The following KIR2DL4 variants were observed in gnomAD, a reference collection of about 807,000 sequenced individuals.
The protein encoded by KIR2DL4 is killer cell immunoglobulin-like receptor 2DL4.
A neutral mutation model predicts 31.0 loss-of-function variants in KIR2DL4; 41 were observed. The ratio of observed to expected loss-of-function variants is 1.32; its 90% CI spans 1.03 to 1.72. The LOEUF (loss-of-function observed/expected upper bound fraction) is 1.72. Among genes scored for constraint, KIR2DL4 ranks in the 40% most tolerant of loss-of-function variants. KIR2DL4 has a pLI of 0.00. For synonymous variants in KIR2DL4, 164 were observed against 133.6 expected (o/e 1.23, Z -1.57); for missense variants, 438 against 353.7 (o/e 1.24, Z -1.91).
intron 3 of KIR2DL4, 143 bp from the exon 4 acceptor site, chr19:54,805,808 G>A (rs796612632): frequency 3.0e-5 from 24 of 808,890 alleles, no homozygotes; most frequent in Admixed American, 1.2e-4. Flanking sequence ...GGGAGGGATC[G>A]ACAGGAAGAG....
intron 3 of KIR2DL4, among the ~76,000 whole-genome samples, chr19:54,805,575 T>C (rs1894090872): frequency 6.6e-6 from 1 of 151,368 alleles, no homozygotes; most frequent in African/African-American, 2.4e-5. Flanking sequence ...GATGCCTTGA[T>C]TGTAGCCCAG....
chr19:54,810,149 C>A (rs1402983736), intron 5 of KIR2DL4, among the ~76,000 whole-genome samples: 2 of 149,586 alleles, frequency 1.3e-5, no homozygotes, highest in Non-Finnish European at 3.0e-5. Flanking sequence ...GACAGTGTCT[C>A]CCTCTGTGCC....
chr19:54,805,833 TGAGAGAGA>T, intron 3 of KIR2DL4, 110 bp from the exon 4 acceptor site: 1 of 831,068 alleles, frequency 1.2e-6, no homozygotes, highest in African/African-American at 1.8e-5. Flanking sequence ...GGGTGGAGGG[TGAGAGAGA>T]GAGAGAGAGC....
exon 8 of KIR2DL4, chr19:54,814,432 T>G (rs1230587113): frequency 2.7e-6 from 1 of 373,786 alleles, no homozygotes; most frequent in African/African-American, 2.1e-5. Flanking sequence ...AGACTATTTT[T>G]CAGCCTTCTG....
chr19:54,803,673 A>C, exon 1 of KIR2DL4: 3 of 1,612,232 alleles, frequency 1.9e-6, no homozygotes, highest in Middle Eastern at 1.7e-4. Flanking sequence ...ACCCACGGTC[A>C]TCATCCTGGC....
intron 2 of KIR2DL4, 21 bp downstream of exon 2, chr19:54,803,947 T>A: frequency 6.2e-7 from 1 of 1,605,394 alleles, no homozygotes; most frequent in East Asian, 2.2e-5. Flanking sequence ...CCCCAAATGA[T>A]GGGTTGCCAT....
intron 5 of KIR2DL4, among the ~76,000 whole-genome samples, chr19:54,812,599 A>G (rs1219302608): frequency 6.7e-6 from 1 of 150,078 alleles, no homozygotes; most frequent in African/African-American, 2.5e-5. Context: ...GAAGCAGGAC[A>G]CTACCATCTA....
intron 7 of KIR2DL4, 42 bp downstream of exon 6, chr19:54,813,784 C>T (rs753241102): frequency 8.7e-6 from 14 of 1,611,338 alleles, no homozygotes; most frequent in South Asian, 1.1e-5. Context: ...AGTCTTATTC[C>T]GAAATAGTCC....
intron 2 of KIR2DL4, among the ~76,000 whole-genome samples, chr19:54,804,322 C>G (rs974266555): frequency 6.6e-6 from 1 of 151,102 alleles, no homozygotes; most frequent in Non-Finnish European, 1.5e-5. Flanking sequence ...ACAGCAGGTC[C>G]TCTGAGGACA....
intron 3 of KIR2DL4, among the ~76,000 whole-genome samples, 186 bp from the exon 4 acceptor site, chr19:54,805,765 C>T (rs1249204256): frequency 1.3e-5 from 2 of 151,084 alleles, no homozygotes; most frequent in Admixed American, 6.6e-5. Flanking sequence ...CAAGGGTGCA[C>T]TGCTGATGCC....
chr19:54,813,228 A>AG lies in KIR2DL4; in HGVS notation c.810+1dup. ...TTCATCGCTGGTGCTCCAAAAAAAA[A>AG]GTAAGCCTCACGAAGCAGAGGCCAG... On this transcript the variant is annotated frameshift_variant and splice_region_variant. Transcript: ENST00000359085. LOFTEE classifies it high-confidence loss of function. The AG allele has an allele frequency of 1.3e-6, 2 of 1,584,490 alleles. No homozygotes were observed.
exon 5 of KIR2DL4, chr19:54,808,874 T>C: frequency 6.2e-7 from 1 of 1,604,810 alleles, no homozygotes; most frequent in Non-Finnish European, 8.5e-7. Context: ...TGAACCAAGC[T>C]TCAAAACTGG....
intron 5 of KIR2DL4, among the ~76,000 whole-genome samples, chr19:54,812,810 C>G (rs1385223969): frequency 7.0e-6 from 1 of 141,872 alleles, no homozygotes; most frequent in African/African-American, 2.8e-5. Flanking sequence ...CAGCATTAAT[C>G]TATTCATGAT....
chr19:54,807,439 T>C (rs2147916010), intron 4 of KIR2DL4, among the ~76,000 whole-genome samples: 1 of 151,620 alleles, frequency 6.6e-6, no homozygotes, highest in Non-Finnish European at 1.5e-5. Flanking sequence ...TTTTGTTTTA[T>C]GCTTTTTGTT....
At chr19:54,804,101 A>C (rs1166343703) in intron 2 of KIR2DL4, among the ~76,000 whole-genome samples, 175 bp downstream of exon 2, 1 of 150,846 alleles carries the variant, frequency 6.6e-6, no homozygotes, top group Non-Finnish European at 1.5e-5. Context: ...ATGAACTAGT[A>C]AGAGGAGATC....
intron 4 of KIR2DL4, 137 bp from the exon 5 acceptor site, chr19:54,808,696 T>C (rs2060673326): frequency 1.3e-6 from 1 of 763,024 alleles, no homozygotes; most frequent in Non-Finnish European, 2.4e-6. Flanking sequence ...ACAATGATTA[T>C]GGAGAATGGG....
In KIR2DL4 at chr19:54,803,956, A is replaced by C. The variant is rs538996766; in HGVS notation, c.76+30A>C. On this transcript the variant is annotated intron_variant, in intron 2 of 7. Transcript: ENST00000359085. ...GTCCTTCCCCAAATGATGGGTTGCC[A>C]TCTTCACCCCAATACAAGTGAATTT... The C allele has an allele frequency of 5.3e-5, 85 of 1,599,628 alleles. 2 individuals are homozygous for C. In the East Asian group the frequency reaches 1.7e-3, roughly 32 times the overall value.
chr19:54,814,436 C>G (rs1173603908), exon 8 of KIR2DL4: 4 of 362,230 alleles, frequency 1.1e-5, no homozygotes, highest in Admixed American at 4.6e-5. Context: ...TATTTTTCAG[C>G]CTTCTGGCAT....
At chr19:54,806,365 G>T (rs2060530176) in intron 4 of KIR2DL4, 121 bp downstream of exon 4, 1 of 1,148,228 alleles carries the variant, frequency 8.7e-7, no homozygotes, top group Non-Finnish European at 1.2e-6. Context: ...ATGGTGTGAG[G>T]GTGGGATCAG....
Sources: allele counts gnomAD v4.1 joint callset (sites outside exome capture counted in the v4.1 genomes callset), GRCh38; gene constraint gnomAD v4.1.1; transcripts MANE v1.5; gene names NCBI Gene and HGNC (gene_info 2026-07-23, HGNC 2026-07-21).